The following WDR7 variants were observed in gnomAD, a reference collection of about 807,000 sequenced individuals.
The protein encoded by WDR7 is WD repeat-containing protein 7.
In WDR7, 46 loss-of-function variants were observed where a neutral mutation model predicts 169.4. That is an observed-to-expected ratio of 0.27 (90% CI 0.21 to 0.35). The LOEUF (loss-of-function observed/expected upper bound fraction) is 0.35, where lower values mean the gene tolerates loss of function less well. Among genes scored for constraint, WDR7 ranks in the 10% least tolerant of loss-of-function variants. The probability of loss-of-function intolerance (pLI) is 1.00; values close to 1 mark genes in which losing one functional copy is unlikely to be tolerated. For synonymous variants in WDR7, 612 were observed against 666.8 expected (o/e 0.92, Z 1.27); for missense variants, 1,534 against 1,859.3 (o/e 0.83, Z 3.22).
At chr18:56,675,992 T>A (rs1344249030) in intron 2 of WDR7, among the ~76,000 whole-genome samples, 1 of 152,066 alleles carries the variant, frequency 6.6e-6, no homozygotes, top group Non-Finnish European at 1.5e-5. Context: ...TGGCTATTAT[T>A]GTATTGGGGC....
intron 12 of WDR7, among the ~76,000 whole-genome samples, chr18:56,709,607 A>G (rs2144703720): frequency 6.6e-6 from 1 of 152,330 alleles, no homozygotes; most frequent in African/African-American, 2.4e-5. Context: ...TCCAAGTCAG[A>G]CAGTTAGCAA....
intron 26 of WDR7, chr18:57,010,408 T>G: frequency 2.2e-6 from 1 of 459,524 alleles, no homozygotes; most frequent in South Asian, 9.2e-5. Flanking sequence ...GAATCATCTT[T>G]AAGTATGGCT....
chr18:56,736,465 T>C (rs1357758833), intron 14 of WDR7, among the ~76,000 whole-genome samples: 2 of 151,542 alleles, frequency 1.3e-5, no homozygotes, highest in African/African-American at 4.9e-5. Context: ...AGACAGAGTA[T>C]GGAAATGGAA....
chr18:56,798,292 A>G (rs773869786), intron 19 of WDR7, among the ~76,000 whole-genome samples: 2 of 152,138 alleles, frequency 1.3e-5, no homozygotes, highest in Admixed American at 1.3e-4. Context: ...ATTCTTTTGG[A>G]TATAACATAA....
At chr18:56,943,057 A>T (rs1198124472) in intron 25 of WDR7, among the ~76,000 whole-genome samples, 1 of 152,224 alleles carries the variant, frequency 6.6e-6, no homozygotes, top group Non-Finnish European at 1.5e-5. Flanking sequence ...CTTGCATGGG[A>T]TCTCAGAAGT....
intron 19 of WDR7, chr18:56,781,863 A>G (rs2044323060): frequency 4.7e-6 from 2 of 426,164 alleles, no homozygotes. Flanking sequence ...AAGGCTGTCT[A>G]TATCAAAATA....
At chr18:56,853,408 A>T (rs2045670473) in intron 20 of WDR7, among the ~76,000 whole-genome samples, 1 of 152,136 alleles carries the variant, frequency 6.6e-6, no homozygotes, top group African/African-American at 2.4e-5. Flanking sequence ...TTGCCTTTTC[A>T]TTTCCCAGTT....
chr18:56,904,438 GT>G (rs1416488932), intron 21 of WDR7, among the ~76,000 whole-genome samples: 4 of 152,096 alleles, frequency 2.6e-5, no homozygotes, highest in Admixed American at 2.6e-4. Context: ...AATTAGAAGT[GT>G]TCTGCATTTA....
intron 26 of WDR7, among the ~76,000 whole-genome samples, chr18:56,968,049 G>A (rs2047435798): frequency 1.3e-5 from 2 of 152,080 alleles, no homozygotes; most frequent in Admixed American, 6.6e-5. Context: ...GTCACTTGGA[G>A]GCGTCATCCA....
chr18:56,941,054 A>G (rs886348786), intron 25 of WDR7, among the ~76,000 whole-genome samples: 6 of 152,172 alleles, frequency 3.9e-5, no homozygotes, highest in Admixed American at 2.6e-4. Context: ...TTGTTTATCA[A>G]TTTAATAACA....
At chr18:56,835,031 T>C (rs867788497) in intron 20 of WDR7, among the ~76,000 whole-genome samples, 2 of 152,314 alleles carry the variant, frequency 1.3e-5, no homozygotes, top group South Asian at 2.1e-4. Context: ...GGATCTTCTC[T>C]ACCTTTTCAT....
chr18:56,685,455 A>C (rs1348398753), intron 5 of WDR7, among the ~76,000 whole-genome samples: 1 of 152,176 alleles, frequency 6.6e-6, no homozygotes, highest in Non-Finnish European at 1.5e-5. Flanking sequence ...TGGTGCTGTC[A>C]CTAGTCCCTT....
chr18:56,783,204 A>G (rs1326618132), intron 19 of WDR7, among the ~76,000 whole-genome samples: 1 of 151,502 alleles, frequency 6.6e-6, no homozygotes, highest in East Asian at 1.9e-4. Context: ...ACTCTAAGTT[A>G]TTAGGCTTAA....
intron 19 of WDR7, among the ~76,000 whole-genome samples, chr18:56,810,836 G>GT (rs1188398436): frequency 1.3e-5 from 2 of 152,184 alleles, no homozygotes; most frequent in South Asian, 2.1e-4. Context: ...CAATTCAGTG[G>GT]TTTTTTAAGC....
chr18:56,808,290 A>C (rs889490154), intron 19 of WDR7, among the ~76,000 whole-genome samples: 9 of 152,224 alleles, frequency 5.9e-5, no homozygotes, highest in Non-Finnish European at 1.3e-4. Flanking sequence ...CCTCATTCAC[A>C]GTAAATGTTC....
At chr18:56,959,909 G>A (rs2047315757) in intron 25 of WDR7, among the ~76,000 whole-genome samples, 5 of 152,118 alleles carry the variant, frequency 3.3e-5, no homozygotes, top group Admixed American at 3.3e-4. Context: ...GAGGATGGTG[G>A]GCTCTGGAAG....
At chr18:56,911,941 T>C (rs1023103940) in intron 21 of WDR7, among the ~76,000 whole-genome samples, 2 of 152,228 alleles carry the variant, frequency 1.3e-5, no homozygotes, top group Admixed American at 1.3e-4. Context: ...CTTTAATTCT[T>C]AACTCTCTAC....
chr18:56,848,306 GT>G (rs1477911728), intron 20 of WDR7, among the ~76,000 whole-genome samples: 1 of 152,196 alleles, frequency 6.6e-6, no homozygotes, highest in Non-Finnish European at 1.5e-5. Context: ...GAATGGGAAT[GT>G]TTACCTTATG....
intron 20 of WDR7, among the ~76,000 whole-genome samples, chr18:56,819,750 G>A (rs1187486499): frequency 6.6e-6 from 1 of 151,932 alleles, no homozygotes; most frequent in East Asian, 1.9e-4. Context: ...TGTATATTTA[G>A]AATCTGTTTT....
Sources: allele counts gnomAD v4.1 joint callset (sites outside exome capture counted in the v4.1 genomes callset), GRCh38; gene constraint gnomAD v4.1.1; transcripts MANE v1.5; gene names NCBI Gene and HGNC (gene_info 2026-07-23, HGNC 2026-07-21).